The following JPT1 variants were observed in gnomAD, a reference collection of about 807,000 sequenced individuals.
JPT1 encodes the protein androgen-regulated protein 2.
A neutral mutation model predicts 17.0 loss-of-function variants in JPT1; 5 were observed. The observed-to-expected ratio is 0.29, with a 90% CI of 0.15 to 0.62. JPT1 has a LOEUF of 0.62. Ranked by LOEUF, JPT1 falls within the 20% of genes least tolerant of loss-of-function variation. The probability of loss-of-function intolerance (pLI) is 0.85; values close to 1 mark genes in which losing one functional copy is unlikely to be tolerated. For synonymous variants in JPT1, 71 were observed against 73.6 expected (o/e 0.96, Z 0.18); for missense variants, 158 against 188.1 (o/e 0.84, Z 0.94).
chr17:75,140,298 A>G (rs2074283930), intron 4 of JPT1, among the ~76,000 whole-genome samples: 1 of 152,196 alleles, frequency 6.6e-6, no homozygotes, highest in Non-Finnish European at 1.5e-5. Context: ...AGGGCTTTAA[A>G]TGAAATTATT....
intron 2 of JPT1, 38 bp from the exon 3 acceptor site, chr17:75,147,691 G>GA (rs764933019): frequency 2.1e-5 from 33 of 1,541,846 alleles, no homozygotes; most frequent in East Asian, 6.7e-5. Flanking sequence ...AAATACAATA[G>GA]AAAAAACCTA....
At chr17:75,148,362 G>A (rs897936117) in intron 2 of JPT1, among the ~76,000 whole-genome samples, 167 bp downstream of exon 2, 8 of 152,016 alleles carry the variant, frequency 5.3e-5, no homozygotes, top group African/African-American at 1.4e-4. Flanking sequence ...CTCCCACCTC[G>A]GCCTCCGGAG....
In JPT1 at chr17:75,142,600, AG is replaced by A. The variant is rs1190688233; in HGVS notation, c.316+4065del. On this transcript the variant is annotated intron_variant, in intron 4 of 4. Transcript: ENST00000409753. ...GAGAGGGAGGGAGAGGGAGGGAGGG[AG>A]GGGAAGGGGGAGAGAGGAGGGGAGG... Among the ~76,000 whole-genome samples, 9 of 19,794 alleles carry A rather than the reference AG, an allele frequency of 4.5e-4. No homozygotes were observed. The South Asian group carries it at 0.019, about 41-fold the overall frequency. The allele number at this position is 19,794 out of a possible 152,430, so 13.0% of individuals were successfully genotyped here. A position where few individuals can be genotyped will look rare whatever the true frequency, so the allele number is the denominator to read the frequency against.
chr17:75,154,376 T>C lies in JPT1; in HGVS notation c.22A>G (p.Lys8Glu), dbSNP rs780447054. 2 of 1,548,940 alleles carry C rather than the reference T, an allele frequency of 1.3e-6. No individual in the cohort carries two copies. The highest frequency in any genetic ancestry group is 1.7e-6 in the Non-Finnish European group (2 of 1,146,092). The change falls in exon 1 of 5, where the codon AAG (lysine) becomes GAG (glutamate). Residue 8 changes from lysine to glutamate, a missense_variant. Lys to Glu is a moderately conservative substitution (Grantham distance 56, BLOSUM62 1). Coordinates refer to ENST00000409753, the MANE Select transcript of JPT1 (RefSeq NM_016185.4). Reference sequence around the variant, plus strand: ...TTCCTGCTGTTGGGGTCGACTCCCTTGAAGGTGGTGGTTGTGGTCATGGCG... The same window carrying C: ...TTCCTGCTGTTGGGGTCGACTCCCTCGAAGGTGGTGGTTGTGGTCATGGCG... MTTTTTF[K>E]GVDPNSRNSS...
chr17:75,140,261 TCTG>T (rs2074282836), intron 4 of JPT1, among the ~76,000 whole-genome samples: 2 of 151,932 alleles, frequency 1.3e-5, no homozygotes, highest in South Asian at 4.2e-4. Flanking sequence ...AAAGCTTTTG[TCTG>T]CTGAAGATAA....
At chr17:75,150,851 T>TC (rs1568037339) in intron 1 of JPT1, among the ~76,000 whole-genome samples, 1 of 109,974 alleles carries the variant, frequency 9.1e-6, no homozygotes, top group African/African-American at 6.9e-5. Flanking sequence ...TTCTTTCTTT[T>TC]TTTTTTTTTT....
intron 4 of JPT1, chr17:75,145,343 C>G (rs1735355824): frequency 1.3e-5 from 2 of 152,214 alleles, no homozygotes; most frequent in African/African-American, 4.8e-5. Flanking sequence ...GGCCTTGTGA[C>G]TGCTGCACTT....
intron 4 of JPT1, chr17:75,142,871 T>C (rs1438620461): frequency 7.0e-6 from 3 of 425,588 alleles, no homozygotes; most frequent in East Asian, 7.5e-5. Flanking sequence ...ATGATATACA[T>C]ACGTATATGA....
intron 4 of JPT1, chr17:75,142,767 C>T: frequency 2.2e-6 from 1 of 456,116 alleles, no homozygotes. Context: ...ATTTTACCTC[C>T]AGAAGTCTTT....
intron 1 of JPT1, among the ~76,000 whole-genome samples, chr17:75,150,859 T>TTTTTTTTTTTTTTTTG (rs2074537720): frequency 1.4e-5 from 2 of 140,194 alleles, no homozygotes; most frequent in African/African-American, 2.6e-5. Context: ...TTTTTTTTTT[T>TTTTTTTTTTTTTTTTG]TTTTTTTTTT....
chr17:75,142,484 C>A (rs1046066374), intron 4 of JPT1, among the ~76,000 whole-genome samples: 1 of 149,170 alleles, frequency 6.7e-6, no homozygotes, highest in African/African-American at 2.5e-5. Flanking sequence ...CACTTGAAAC[C>A]GGTAGGTGGA....
chr17:75,151,209 T>C (rs1355505423), intron 1 of JPT1, among the ~76,000 whole-genome samples: 2 of 152,186 alleles, frequency 1.3e-5, no homozygotes, highest in African/African-American at 4.8e-5. Flanking sequence ...GATGTGAACC[T>C]GTAATCCCAG....
At chr17:75,151,906 T>A (rs1267202578) in intron 1 of JPT1, among the ~76,000 whole-genome samples, 1 of 151,294 alleles carries the variant, frequency 6.6e-6, no homozygotes, top group Admixed American at 6.6e-5. Flanking sequence ...AAAGCAGAGG[T>A]TGCGGTGAGC....
intron 1 of JPT1, chr17:75,149,263 G>A (rs1352860950): frequency 6.0e-6 from 2 of 335,312 alleles, no homozygotes; most frequent in Non-Finnish European, 1.2e-5. Context: ...CTCTGAGACA[G>A]AAGGATCGTT....
chr17:75,146,497 AT>A (rs2074437476), intron 4 of JPT1, 168 bp downstream of exon 4: 2 of 539,426 alleles, frequency 3.7e-6, no homozygotes, highest in Non-Finnish European at 6.7e-6. Flanking sequence ...CCCTTCTATT[AT>A]GTTTCTAGCA....
chr17:75,154,424 G>A lies in JPT1; in HGVS notation c.-27C>T. 1.3e-6 allele frequency: 2 copies of A among 1,546,012 alleles called. No individual in the cohort carries two copies. Among genetic ancestry groups the A allele is most frequent in the Non-Finnish European group, 1.7e-6 (2 of 1,144,880 alleles). On this transcript the variant is annotated 5_prime_UTR_variant, in exon 1 of 5. Transcript: ENST00000409753. Reference sequence around the variant, plus strand: ...GCGCCGAGGAGCGAGGTAGGCTGGCGCCGGAGCAGAACGCTCAAAGGGTCG... The same window carrying A: ...GCGCCGAGGAGCGAGGTAGGCTGGCACCGGAGCAGAACGCTCAAAGGGTCG...
intron 1 of JPT1, 141 bp from the exon 2 acceptor site, chr17:75,148,812 A>T: frequency 9.7e-7 from 1 of 1,029,458 alleles, no homozygotes; most frequent in South Asian, 1.7e-5. Flanking sequence ...ACAGGAAAAA[A>T]GAATCAACTC....
At chr17:75,142,108 G>T (rs923418411) in intron 4 of JPT1, among the ~76,000 whole-genome samples, 4 of 152,082 alleles carry the variant, frequency 2.6e-5, no homozygotes, top group Non-Finnish European at 5.9e-5. Context: ...AAAGGGAACA[G>T]AATTATTAAT....
chr17:75,148,762 A>G, intron 1 of JPT1, 91 bp from the exon 2 acceptor site: 1 of 1,441,790 alleles, frequency 6.9e-7, no homozygotes, highest in Non-Finnish European at 9.5e-7. Context: ...CACTTTCCTC[A>G]CCCATTCATC....
Sources: allele counts gnomAD v4.1 joint callset (sites outside exome capture counted in the v4.1 genomes callset), GRCh38; gene constraint gnomAD v4.1.1; transcripts MANE v1.5; gene names NCBI Gene and HGNC (gene_info 2026-07-23, HGNC 2026-07-21).